NELL1: variants seen among roughly 807,000 people sequenced by gnomAD.
NELL1 encodes the protein protein kinase C-binding protein NELL1.
In NELL1, 76 loss-of-function variants were observed where a neutral mutation model predicts 107.4. The observed-to-expected ratio is 0.71, with a 90% confidence interval of 0.59 to 0.86. NELL1 has a LOEUF of 0.86. Ranked by LOEUF, NELL1 falls within the 40% of genes least tolerant of loss-of-function variation. NELL1 has a pLI of 0.00. For synonymous variants in NELL1, 353 were observed against 341.2 expected (o/e 1.03, Z -0.38); for missense variants, 1,024 against 1,005.5 (o/e 1.02, Z -0.25).
At chr11:21,115,445 G>T (rs566890463) in intron 13 of NELL1, among the ~76,000 whole-genome samples, 1 of 152,018 alleles carries the variant, frequency 6.6e-6, no homozygotes, top group East Asian at 1.9e-4. Flanking sequence ...AGAAAGAAAG[G>T]AGGGGAGAGG....
intron 12 of NELL1, among the ~76,000 whole-genome samples, chr11:20,989,213 C>T (rs972008115): frequency 3.9e-5 from 6 of 152,120 alleles, no homozygotes; most frequent in Non-Finnish European, 8.8e-5. Context: ...GATCTCTGGT[C>T]CTAATCCCCT....
chr11:21,559,992 T>C (rs1856810377), intron 16 of NELL1, among the ~76,000 whole-genome samples, 197 bp from the exon 17 acceptor site: 1 of 152,074 alleles, frequency 6.6e-6, no homozygotes, highest in Non-Finnish European at 1.5e-5. Context: ...ATTTGCAGAA[T>C]AGGAATAAGG....
intron 15 of NELL1, among the ~76,000 whole-genome samples, chr11:21,483,367 T>G (rs1325806393): frequency 6.6e-6 from 1 of 152,140 alleles, no homozygotes; most frequent in Non-Finnish European, 1.5e-5. Context: ...AAGGATACAT[T>G]TTCTTGTTTG....
chr11:20,776,996 T>C (rs1206609469), intron 2 of NELL1, among the ~76,000 whole-genome samples: 12 of 152,236 alleles, frequency 7.9e-5, no homozygotes, highest in Admixed American at 7.8e-4. Flanking sequence ...CATTCATTTA[T>C]TCAATAAATA....
At chr11:20,963,234 C>T (rs1227686282) in intron 12 of NELL1, among the ~76,000 whole-genome samples, 2 of 152,052 alleles carry the variant, frequency 1.3e-5, no homozygotes, top group East Asian at 1.9e-4. Context: ...AAAGAAAGTC[C>T]TTCGTAGAAA....
At chr11:21,242,591 A>G (rs2133900124) in intron 14 of NELL1, among the ~76,000 whole-genome samples, 1 of 152,206 alleles carries the variant, frequency 6.6e-6, no homozygotes, top group South Asian at 2.1e-4. Context: ...TAGAAAATAA[A>G]CCTCATGTAT....
chr11:21,204,758 C>T (rs1565109834), intron 13 of NELL1, among the ~76,000 whole-genome samples: 1 of 152,002 alleles, frequency 6.6e-6, no homozygotes, highest in Admixed American at 6.6e-5. Context: ...TATTTATCTA[C>T]CTTTGTTCTT....
intron 15 of NELL1, among the ~76,000 whole-genome samples, chr11:21,447,766 C>T (rs555595235): frequency 6.6e-6 from 1 of 152,210 alleles, no homozygotes. Context: ...TTGCATACCC[C>T]CCAAGTCCTC....
At position 20,980,214 on chromosome 11, in the gene NELL1, G is replaced by A. The variant is rs1215501152; in HGVS notation, c.1300+19654G>A. On this transcript the variant is annotated intron_variant, in intron 12 of 19. Transcript: ENST00000357134. ...ACTACAAAGGAGGAAGGAGGTTAAC[G>A]TTTCCTGAATCCCTCTTACACAGCA... Among the ~76,000 whole-genome samples the A allele has an allele frequency of 3.9e-5, 6 of 152,156 alleles. 1 individual carries two copies. Among genetic ancestry groups the A allele is most frequent in the Admixed American group, 1.3e-4 (2 of 15,284 alleles).
intron 17 of NELL1, among the ~76,000 whole-genome samples, chr11:21,567,530 T>C (rs555924722): frequency 1.1e-4 from 17 of 152,010 alleles, no homozygotes; most frequent in African/African-American, 3.9e-4. Context: ...AACACTATGA[T>C]TTCTTGTTAT....
chr11:21,156,130 G>T (rs1045662852), intron 13 of NELL1, among the ~76,000 whole-genome samples: 4 of 152,130 alleles, frequency 2.6e-5, no homozygotes, highest in Non-Finnish European at 4.4e-5. Flanking sequence ...GAACCTGAGG[G>T]CATCTGTTAA....
At chr11:21,038,344 G>A (rs1357745603) in intron 12 of NELL1, among the ~76,000 whole-genome samples, 3 of 152,146 alleles carry the variant, frequency 2.0e-5, no homozygotes, top group African/African-American at 7.2e-5. Flanking sequence ...ATCTTGGTTT[G>A]ATGAGTCTAT....
chr11:21,042,570 C>T (rs1440788135), intron 12 of NELL1, among the ~76,000 whole-genome samples: 2 of 152,156 alleles, frequency 1.3e-5, no homozygotes, highest in Non-Finnish European at 2.9e-5. Context: ...AAAGCTGGGG[C>T]CTCAGATGAC....
chr11:21,441,116 G>C (rs1853270802), intron 15 of NELL1, among the ~76,000 whole-genome samples: 1 of 151,864 alleles, frequency 6.6e-6, no homozygotes, highest in Non-Finnish European at 1.5e-5. Context: ...TCAACTACTG[G>C]GATCATTTCT....
At chr11:21,303,519 T>C (rs961610718) in intron 14 of NELL1, among the ~76,000 whole-genome samples, 2 of 151,894 alleles carry the variant, frequency 1.3e-5, no homozygotes, top group African/African-American at 4.8e-5. Context: ...TCCCTCTCCA[T>C]GAGGATGTGG....
intron 14 of NELL1, among the ~76,000 whole-genome samples, chr11:21,310,424 A>G (rs1849726202): frequency 6.6e-6 from 1 of 152,106 alleles, no homozygotes; most frequent in African/African-American, 2.4e-5. Flanking sequence ...CATGGTTGGC[A>G]ATGTAAAGCA....
intron 12 of NELL1, among the ~76,000 whole-genome samples, chr11:21,112,845 T>G (rs1212021419): frequency 2.0e-5 from 3 of 151,982 alleles, no homozygotes; most frequent in Non-Finnish European, 4.4e-5. Flanking sequence ...ACACAAGCAG[T>G]CTGAGTAAAA....
chr11:21,308,948 A>G (rs1018680801), intron 14 of NELL1, among the ~76,000 whole-genome samples: 1 of 151,630 alleles, frequency 6.6e-6, no homozygotes, highest in Non-Finnish European at 1.5e-5. Context: ...AAATGCCTTG[A>G]AAAAAAAGCA....
At chr11:21,216,900 T>A (rs1017620377) in intron 13 of NELL1, among the ~76,000 whole-genome samples, 1 of 152,086 alleles carries the variant, frequency 6.6e-6, no homozygotes, top group Non-Finnish European at 1.5e-5. Context: ...TATTTTGAAA[T>A]GAGAAGGCAT....
Sources: gnomAD v4.1 joint callset for allele counts (sites outside exome capture counted in the v4.1 genomes callset) on GRCh38, gnomAD v4.1.1 for gene constraint, MANE v1.5 for transcripts, NCBI Gene and HGNC (gene_info 2026-07-23, HGNC 2026-07-21) for gene names.